The following PAK1 variants were observed in gnomAD, a reference collection of about 807,000 sequenced individuals.
PAK1 encodes the protein serine/threonine-protein kinase PAK 1.
A neutral mutation model predicts 67.4 loss-of-function variants in PAK1; 29 were observed. The observed-to-expected ratio is 0.43, with a 90% CI of 0.32 to 0.59. The LOEUF (loss-of-function observed/expected upper bound fraction) is 0.59. Ranked by LOEUF, PAK1 falls within the 20% of genes least tolerant of loss-of-function variation. The pLI, the probability that PAK1 is intolerant of heterozygous loss-of-function variation, is 0.07. For missense variants in PAK1, 337 were observed against 670.7 expected (o/e 0.50, Z 5.50); for synonymous variants, 223 against 237.4 (o/e 0.94, Z 0.56).
chr11:77,411,760 A>G (rs1954578997), intron 1 of PAK1: 1 of 152,276 alleles, frequency 6.6e-6, no homozygotes, highest in Non-Finnish European at 1.5e-5. Context: ...AGCCCCAGGC[A>G]GGGCCGGCAT....
intron 7 of PAK1, among the ~76,000 whole-genome samples, chr11:77,355,394 T>G (rs750170783): frequency 1.3e-5 from 2 of 152,148 alleles, no homozygotes; most frequent in Non-Finnish European, 2.9e-5. Context: ...GAAAAACTAT[T>G]TGTCTTCGCT....
chr11:77,353,312 C>G lies in PAK1; in HGVS notation c.836+224G>C, dbSNP rs532963046. The G allele has an allele frequency of 8.6e-5, 40 of 467,456 alleles. No individual in the cohort carries two copies. In the East Asian group the frequency reaches 1.3e-3, roughly 15 times the overall value. 29.0% of individuals were successfully genotyped at this position (467,456 alleles called of 1,614,324 possible). A position where few individuals can be genotyped will look rare whatever the true frequency, so the allele number is the denominator to read the frequency against. On this transcript the variant is annotated intron_variant, in intron 8 of 14. Coordinates refer to ENST00000356341, the MANE Select transcript of PAK1 (RefSeq NM_002576.5). Reference sequence around the variant, plus strand: ...AAAAACCGTTCTCTCACTGTCACTGCAGGGGTATTTTTAGCAACATGGTCA... The same window carrying G: ...AAAAACCGTTCTCTCACTGTCACTGGAGGGGTATTTTTAGCAACATGGTCA...
intron 1 of PAK1, among the ~76,000 whole-genome samples, chr11:77,457,121 A>T (rs989303088): frequency 1.3e-5 from 2 of 152,186 alleles, no homozygotes; most frequent in African/African-American, 4.8e-5. Flanking sequence ...CTCTGGCCAG[A>T]TCACAGTCAG....
the PAK1 span, among the ~76,000 whole-genome samples, chr11:77,503,079 A>G: frequency 6.6e-6 from 1 of 152,254 alleles, no homozygotes; most frequent in East Asian, 1.9e-4. Flanking sequence ...TGGCTTGGCA[A>G]TGCCTCCTGC....
intron 7 of PAK1, among the ~76,000 whole-genome samples, chr11:77,354,260 C>T (rs183152794): frequency 1.3e-5 from 2 of 152,220 alleles, no homozygotes; most frequent in East Asian, 1.9e-4. Flanking sequence ...TACTTCCCCC[C>T]CAAGGTCACA....
chr11:77,392,276 C>A, intron 2 of PAK1, 55 bp downstream of exon 2: 6 of 1,240,080 alleles, frequency 4.8e-6, no homozygotes, highest in South Asian at 3.3e-5. Flanking sequence ...TCCAGGTTAC[C>A]CAAAATAATT....
chr11:77,347,157 A>T (rs991705758), intron 9 of PAK1: 1 of 450,716 alleles, frequency 2.2e-6, no homozygotes, highest in African/African-American at 2.0e-5. Flanking sequence ...ATAGTTTTGT[A>T]ACCACAAGAC....
intron 1 of PAK1, among the ~76,000 whole-genome samples, chr11:77,442,521 C>T (rs182801324): frequency 2.4e-4 from 37 of 152,184 alleles, no homozygotes; most frequent in African/African-American, 8.2e-4. Flanking sequence ...CAACAATGAA[C>T]GGCATGAGTG....
the PAK1 span, among the ~76,000 whole-genome samples, chr11:77,508,525 T>A: frequency 6.6e-6 from 1 of 152,046 alleles, no homozygotes; most frequent in Non-Finnish European, 1.5e-5. Context: ...ACTGGCCAGT[T>A]CCAGCAAACC....
chr11:77,468,543 G>A (rs1957704823), intron 1 of PAK1, among the ~76,000 whole-genome samples: 1 of 152,294 alleles, frequency 6.6e-6, no homozygotes, highest in Non-Finnish European at 1.5e-5. Context: ...AGGCACAAGT[G>A]ATTCCAAATA....
chr11:77,453,302 C>T (rs946266763), intron 1 of PAK1, among the ~76,000 whole-genome samples: 23 of 151,978 alleles, frequency 1.5e-4, no homozygotes, highest in East Asian at 5.8e-4. Context: ...TTCAGTGAGC[C>T]GAGATCGCGC....
chr11:77,410,392 GA>G (rs1428564250), intron 1 of PAK1, among the ~76,000 whole-genome samples: 1 of 152,176 alleles, frequency 6.6e-6, no homozygotes, highest in Non-Finnish European at 1.5e-5. Context: ...GCAAGGCACA[GA>G]GGCAGTAAAG....
chr11:77,347,338 G>C (rs1293042446), intron 9 of PAK1, among the ~76,000 whole-genome samples: 1 of 152,100 alleles, frequency 6.6e-6, no homozygotes, highest in Non-Finnish European at 1.5e-5. Flanking sequence ...TTGTGCTCTT[G>C]CGGCCCAAAA....
intron 1 of PAK1, among the ~76,000 whole-genome samples, chr11:77,409,373 C>T (rs1268711067): frequency 6.6e-6 from 1 of 152,094 alleles, no homozygotes; most frequent in African/African-American, 2.4e-5. Context: ...TTAGTAGAGC[C>T]ACTATGGAGA....
intron 14 of PAK1, among the ~76,000 whole-genome samples, chr11:77,328,881 C>T (rs1225478): frequency 0.24 from 36,974 of 151,816 alleles, 5,115 homozygotes; most frequent in Non-Finnish European, 0.31. Context: ...ATTGATAGAC[C>T]GCTAGCAAGA....
At chr11:77,417,827 C>T (rs1955051511) in intron 1 of PAK1, among the ~76,000 whole-genome samples, 1 of 151,832 alleles carries the variant, frequency 6.6e-6, no homozygotes, top group Admixed American at 6.6e-5. Context: ...CTCCACCTCC[C>T]CGGTTCAAGC....
chr11:77,388,960 G>A (rs1950793196), intron 2 of PAK1, among the ~76,000 whole-genome samples: 1 of 152,172 alleles, frequency 6.6e-6, no homozygotes, highest in Non-Finnish European at 1.5e-5. Context: ...CACCCATGAA[G>A]TGTAAAATTC....
the PAK1 span, among the ~76,000 whole-genome samples, chr11:77,484,617 C>A: frequency 6.6e-6 from 1 of 152,170 alleles, no homozygotes; most frequent in African/African-American, 2.4e-5. Context: ...TTGCCTATTG[C>A]TGCCAGGAAG....
At chr11:77,424,132 C>T (rs1469908390) in intron 1 of PAK1, among the ~76,000 whole-genome samples, 1 of 152,222 alleles carries the variant, frequency 6.6e-6, no homozygotes, top group African/African-American at 2.4e-5. Context: ...AGAATGGGTA[C>T]CACCGTCACT....
Sources: allele counts gnomAD v4.1 joint callset (sites outside exome capture counted in the v4.1 genomes callset), GRCh38; gene constraint gnomAD v4.1.1; transcripts MANE v1.5; gene names NCBI Gene and HGNC (gene_info 2026-07-23, HGNC 2026-07-21).